The following SLC28A3 variants were observed in gnomAD, a reference collection of about 807,000 sequenced individuals.
The protein encoded by SLC28A3 is solute carrier family 28 member 3, also known as concentrative Na(+)-nucleoside cotransporter 3.
SLC28A3 carries 68 observed loss-of-function variants against 84.2 expected under a neutral mutation model. That is an observed-to-expected ratio of 0.81 (90% confidence interval 0.66 to 0.99). The LOEUF (loss-of-function observed/expected upper bound fraction) is 0.99. SLC28A3 is among the 50% of genes least tolerant of loss of function. SLC28A3 has a pLI of 0.00. For synonymous variants in SLC28A3, 267 were observed against 303.6 expected (o/e 0.88, Z 1.25); for missense variants, 712 against 841.5 (o/e 0.85, Z 1.90).
In SLC28A3 at chr9:84,286,041, C is replaced by T. The variant is rs148240981; in HGVS notation, c.1351G>A (p.Ala451Thr). The T allele has an allele frequency of 5.0e-5, 81 of 1,614,068 alleles. No homozygotes were observed. In the African/African-American group the frequency reaches 7.2e-4, roughly 14 times the overall value. Residue 451 changes from alanine to threonine, a missense_variant, in exon 13 of 18, where the codon GCT becomes ACT. By Grantham distance (58) the Ala-to-Thr change is moderately conservative. Coordinates refer to ENST00000376238, the MANE Select transcript of SLC28A3 (RefSeq NM_001199633.2). ...GCCAGGAAGGCAATCAGATTCACAG[C>T]GATGTTGGCCACCAGGGAGATGGAG... ...SSSISLVANI[A>T]VNLIAFLALL... is the part of the protein sequence containing the mutation.
chr9:84,314,628 C>G (rs1404963178), intron 1 of SLC28A3, among the ~76,000 whole-genome samples: 2 of 152,202 alleles, frequency 1.3e-5, no homozygotes, highest in Admixed American at 1.3e-4. Flanking sequence ...ATTCATGCAT[C>G]AAAGTATTGT....
intron 1 of SLC28A3, among the ~76,000 whole-genome samples, chr9:84,317,048 A>C (rs1370292325): frequency 6.6e-6 from 1 of 152,016 alleles, no homozygotes; most frequent in Non-Finnish European, 1.5e-5. Flanking sequence ...GAGGCCTATG[A>C]GGTGGGTACC....
At chr9:84,296,993 C>A (rs1457266086) in intron 8 of SLC28A3, among the ~76,000 whole-genome samples, 2 of 152,208 alleles carry the variant, frequency 1.3e-5, no homozygotes, top group Non-Finnish European at 1.5e-5. Flanking sequence ...ATAGTTCTGA[C>A]TTCCTCTAGA....
the SLC28A3 span, among the ~76,000 whole-genome samples, chr9:84,353,453 T>C: frequency 6.6e-6 from 1 of 152,340 alleles, no homozygotes; most frequent in Admixed American, 6.5e-5. Context: ...CTCACTTCTG[T>C]AATCCCAGCA....
At chr9:84,299,976 A>C (rs11999695) in intron 5 of SLC28A3, among the ~76,000 whole-genome samples, 16,432 of 152,104 alleles carry the variant, frequency 0.11, 2,056 homozygotes, top group African/African-American at 0.29. Flanking sequence ...TATTTTTAGT[A>C]GAGATGGGGT....
intron 1 of SLC28A3, among the ~76,000 whole-genome samples, chr9:84,320,625 C>T (rs1212530762): frequency 1.3e-5 from 2 of 152,100 alleles, no homozygotes. Flanking sequence ...TATTGCACAC[C>T]TACTATGGGA....
chr9:84,282,243 T>A (rs115224708), intron 14 of SLC28A3, among the ~76,000 whole-genome samples: 2,624 of 151,856 alleles, frequency 0.017, 73 homozygotes, highest in African/African-American at 0.053. Flanking sequence ...CGGATGGGGA[T>A]GGGAGTGGGG....
intron 10 of SLC28A3, among the ~76,000 whole-genome samples, chr9:84,290,920 C>A (rs1401747384): frequency 6.6e-6 from 1 of 152,136 alleles, no homozygotes; most frequent in Non-Finnish European, 1.5e-5. Flanking sequence ...GAATCAGAGA[C>A]CCCTCTCTGA....
At chr9:84,336,008 C>A (rs1826962620) in intron 1 of SLC28A3, among the ~76,000 whole-genome samples, 1 of 151,784 alleles carries the variant, frequency 6.6e-6, no homozygotes, top group African/African-American at 2.4e-5. Flanking sequence ...GATGTCCCAG[C>A]CACACACAAA....
intron 9 of SLC28A3, among the ~76,000 whole-genome samples, chr9:84,293,906 C>G (rs1477797973): frequency 6.6e-6 from 1 of 152,140 alleles, no homozygotes; most frequent in Non-Finnish European, 1.5e-5. Flanking sequence ...ATCATTTCCC[C>G]CAGCAGTATC....
chr9:84,362,334 T>C, the SLC28A3 span, among the ~76,000 whole-genome samples: 1 of 152,148 alleles, frequency 6.6e-6, no homozygotes, highest in African/African-American at 2.4e-5. Context: ...GAGCTAAAGA[T>C]AGAAATTTAG....
At chr9:84,361,074 G>A in the SLC28A3 span, among the ~76,000 whole-genome samples, 1 of 151,814 alleles carries the variant, frequency 6.6e-6, no homozygotes, top group African/African-American at 2.4e-5. Flanking sequence ...GGCCGGGTGC[G>A]GTGGCTCAGG....
intron 10 of SLC28A3, among the ~76,000 whole-genome samples, chr9:84,291,834 C>T (rs1825234942): frequency 6.6e-6 from 1 of 152,146 alleles, no homozygotes; most frequent in Non-Finnish European, 1.5e-5. Context: ...GCGTGTGACT[C>T]CATTCTGCCT....
intron 1 of SLC28A3, among the ~76,000 whole-genome samples, chr9:84,332,901 A>G (rs1826841684): frequency 6.6e-6 from 1 of 152,344 alleles, no homozygotes; most frequent in East Asian, 1.9e-4. Flanking sequence ...CCATTAGAGT[A>G]AAAGATGGCT....
chr9:84,341,349 G>T (rs1238234920), upstream of SLC28A3, among the ~76,000 whole-genome samples: 4 of 135,908 alleles, frequency 2.9e-5, no homozygotes, highest in Non-Finnish European at 6.1e-5. Flanking sequence ...AGGAGTGGTG[G>T]TGGGGTGGAG....
At chr9:84,330,304 G>C (rs1369342465) in intron 1 of SLC28A3, among the ~76,000 whole-genome samples, 2 of 152,200 alleles carry the variant, frequency 1.3e-5, no homozygotes, top group Non-Finnish European at 2.9e-5. Context: ...ATGAATGAAA[G>C]AGGAGATATT....
At chr9:84,282,349 A>G (rs1355237343) in intron 14 of SLC28A3, among the ~76,000 whole-genome samples, 1 of 152,090 alleles carries the variant, frequency 6.6e-6, no homozygotes, top group Admixed American at 6.5e-5. Context: ...GTGGTTACAC[A>G]GGTGACATCA....
chr9:84,362,963 A>G, the SLC28A3 span, among the ~76,000 whole-genome samples: 2 of 152,168 alleles, frequency 1.3e-5, no homozygotes, highest in African/African-American at 2.4e-5. Flanking sequence ...AAAGATAAAA[A>G]TATTTTTGGA....
chr9:84,296,937 C>T (rs1281573529), intron 8 of SLC28A3, among the ~76,000 whole-genome samples: 1 of 152,190 alleles, frequency 6.6e-6, no homozygotes, highest in Non-Finnish European at 1.5e-5. Context: ...TTGATTTTTC[C>T]TAAGTATCTC....
Sources: allele counts gnomAD v4.1 joint callset (sites outside exome capture counted in the v4.1 genomes callset), GRCh38; gene constraint gnomAD v4.1.1; transcripts MANE v1.5; gene names NCBI Gene and HGNC (gene_info 2026-07-23, HGNC 2026-07-21).